The following GAK variants were observed in gnomAD, a reference collection of about 807,000 sequenced individuals.
GAK encodes the protein cyclin G associated kinase.
GAK carries 79 observed loss-of-function variants against 143.9 expected under a neutral mutation model. The observed-to-expected ratio is 0.55, with a 90% CI of 0.46 to 0.66. The LOEUF is 0.66. Ranked by LOEUF, GAK falls within the 30% of genes least tolerant of loss-of-function variation. The probability of loss-of-function intolerance (pLI) is 0.00; values close to 1 mark genes in which losing one functional copy is unlikely to be tolerated. For synonymous variants in GAK, 881 were observed against 765.5 expected, an observed-to-expected ratio of 1.15 and a Z score of -2.49; for missense variants, 1,693 against 1,779.7, an observed-to-expected ratio of 0.95 and a Z score of 0.88.
intron 24 of GAK, among the ~76,000 whole-genome samples, chr4:856,254 C>G (rs1749131362): frequency 7.0e-6 from 1 of 143,878 alleles, no homozygotes; most frequent in African/African-American, 2.8e-5. Flanking sequence ...ACCTGCTCAC[C>G]ACAGCTGCTC....
intron 23 of GAK, 69 bp downstream of exon 23, chr4:865,051 CGT>C (rs1750915250): frequency 1.3e-6 from 2 of 1,558,716 alleles, no homozygotes; most frequent in Admixed American, 3.5e-5. Context: ...GTTACAGGTA[CGT>C]GTGAAATAGA....
intron 14 of GAK, 23 bp from the exon 15 acceptor site, chr4:882,063 G>C (rs377188295): frequency 5.1e-6 from 8 of 1,582,530 alleles, no homozygotes; most frequent in African/African-American, 1.3e-5. Context: ...GACACGTCTC[G>C]CGTGCGCCTC....
At chr4:864,625 C>A (rs975624069) in intron 23 of GAK, among the ~76,000 whole-genome samples, 29 of 152,112 alleles carry the variant, frequency 1.9e-4, no homozygotes, top group African/African-American at 5.6e-4. Context: ...CCCTTCCTGA[C>A]AGGGCACGGG....
chr4:892,103 C>A (rs1485206143), intron 9 of GAK, among the ~76,000 whole-genome samples: 1 of 152,130 alleles, frequency 6.6e-6, no homozygotes, highest in Non-Finnish European at 1.5e-5. Flanking sequence ...CCACACAGCC[C>A]AAACCTTCCT....
chr4:867,806 G>A (rs560010552), intron 20 of GAK, among the ~76,000 whole-genome samples: 4 of 152,322 alleles, frequency 2.6e-5, no homozygotes, highest in Admixed American at 6.5e-5. Flanking sequence ...GGGCCCTGGC[G>A]AGTGCTGCAG....
Position 856,344 on chromosome 4 carries a change from C to G in GAK, c.3283+3262G>C, listed in dbSNP as rs374305860. ...CACCTGCTCACCACAGCTGCTCACACCTGCTCACACCTGCTCACCACAGCT... is the reference window on the plus strand; with the variant it reads ...CACCTGCTCACCACAGCTGCTCACAGCTGCTCACACCTGCTCACCACAGCT... On this transcript the variant is annotated intron_variant, in intron 24 of 27. Coordinates refer to ENST00000314167, the MANE Select transcript of GAK (RefSeq NM_005255.4). Among the ~76,000 whole-genome samples the G allele has an allele frequency of 2.5e-4, 29 of 117,150 alleles. No individual in the cohort carries two copies. The East Asian group carries it at 3.1e-3, about 12-fold the overall frequency. 76.9% of individuals were successfully genotyped at this position (117,150 alleles called of 152,430 possible).
At chr4:883,198 A>T in intron 13 of GAK, 117 bp downstream of exon 13, 1 of 1,218,876 alleles carries the variant, frequency 8.2e-7, no homozygotes, top group Non-Finnish European at 1.1e-6. Context: ...GCCCCTCAGG[A>T]GACCTCCGGC....
rs144267254 is a variant in GAK, at chr4:874,121, CTG to C, written c.2054+2407_2054+2408del. ...TTCACTCGGTTAATCCCCTCCTCGG[CTG>C]TGTGTGTGTGTGCGCGCTGGTGCTT... On this transcript the variant is annotated intron_variant, in intron 18 of 27. Transcript: ENST00000314167. Among the ~76,000 whole-genome samples the C allele has an allele frequency of 1.8e-3, 275 of 151,950 alleles. 2 individuals carry two copies. Among genetic ancestry groups the C allele is most frequent in the African/African-American group, 6.3e-3 (260 of 41,458 alleles).
chr4:865,552 A>C lies in GAK; in HGVS notation c.3044-308T>G, dbSNP rs370516255. Among the ~76,000 whole-genome samples, 332 of 152,274 alleles carry C rather than the reference A, an allele frequency of 2.2e-3. 17 individuals carry two copies. In the South Asian group the frequency reaches 0.06, roughly 27 times the overall value. On this transcript the variant is annotated intron_variant, in intron 22 of 27. Transcript: ENST00000314167. ...CCCCACTTTCTGCCGCCATCCCCAC[A>C]GCCTGCGTTCCCGCCTCTCCTAAAA...
At chr4:901,337 C>G (rs1382224113) in intron 5 of GAK, among the ~76,000 whole-genome samples, 1 of 151,914 alleles carries the variant, frequency 6.6e-6, no homozygotes, top group Non-Finnish European at 1.5e-5. Context: ...TTGGATCCCC[C>G]ACCCAGGGCA....
At chr4:876,685 A>T (rs1016930325) in intron 17 of GAK, 76 bp from the exon 18 acceptor site, 15 of 1,277,026 alleles carry the variant, frequency 1.2e-5, no homozygotes, top group Admixed American at 6.8e-5. Context: ...ATTTTTCCCA[A>T]TGGGCGAGAT....
chr4:881,819 C>G, intron 15 of GAK, 88 bp downstream of exon 15: 2 of 1,417,208 alleles, frequency 1.4e-6, no homozygotes, highest in Non-Finnish European at 1.9e-6. Flanking sequence ...GCGGCACCGA[C>G]TGGCCCTCCA....
chr4:888,841 A>G lies in GAK; in HGVS notation c.1205+6T>C. The G allele has an allele frequency of 6.2e-7, 1 of 1,600,098 alleles. No individual in the cohort carries two copies. Among genetic ancestry groups the G allele is most frequent in the Non-Finnish European group, 8.5e-7 (1 of 1,174,778 alleles). ...CAGGTCCAGGGCTCTGGAGCCTCAC[A>G]CTCACTTAGCGACGGACTGGATGAC... is the stretch of plus-strand genomic sequence containing the variant. On this transcript the variant is annotated splice_donor_region_variant and intron_variant, in intron 11 of 27. Coordinates refer to ENST00000314167, the MANE Select transcript of GAK (RefSeq NM_005255.4).
chr4:874,937 G>C (rs531908787), intron 18 of GAK, among the ~76,000 whole-genome samples: 1 of 152,116 alleles, frequency 6.6e-6, no homozygotes, highest in Non-Finnish European at 1.5e-5. Flanking sequence ...TTCAGAGTCT[G>C]TTCTGCTGTG....
intron 20 of GAK, 54 bp from the exon 21 acceptor site, chr4:867,486 G>A (rs1281078898): frequency 4.4e-6 from 6 of 1,355,846 alleles, no homozygotes; most frequent in African/African-American, 1.5e-5. Flanking sequence ...CCAGCACCAG[G>A]GTCCCCACGG....
At chr4:929,041 CG>C (rs1725269472) in intron 1 of GAK, among the ~76,000 whole-genome samples, 2 of 152,206 alleles carry the variant, frequency 1.3e-5, no homozygotes, top group African/African-American at 4.8e-5. Flanking sequence ...GGATCACAGG[CG>C]TGAGCCACTG....
chr4:874,199 C>T (rs1713334977), intron 18 of GAK, among the ~76,000 whole-genome samples: 1 of 151,886 alleles, frequency 6.6e-6, no homozygotes. Flanking sequence ...TCTGTGTGTG[C>T]GCACGCGCTG....
At chr4:925,410 GC>G (rs1396275825) in intron 1 of GAK, among the ~76,000 whole-genome samples, 1 of 152,218 alleles carries the variant, frequency 6.6e-6, no homozygotes, top group Non-Finnish European at 1.5e-5. Context: ...GGGACAGAGT[GC>G]CGGGGGACAG....
In GAK at chr4:877,642, C is replaced by G. The variant is rs1714229466; in HGVS notation, c.1829G>C (p.Ser610Thr). The change falls in exon 16 of 28, where the codon AGC (serine) becomes ACC (threonine). Residue 610 changes from serine (S) to threonine (T), a missense_variant. Ser to Thr is a moderately conservative substitution (Grantham distance 58). Coordinates refer to ENST00000314167, the MANE Select transcript of GAK (RefSeq NM_005255.4). ...CATCTTGTCGTACTCCTGGGAGGTG[C>G]TGGCCACACGCTCGTCCCCCACGTA... ...EVYVGDERVA[S>T]TSQEYDKMRD... 2 of 1,600,272 alleles carry G rather than the reference C, an allele frequency of 1.2e-6. No homozygotes were observed. The highest frequency in any genetic ancestry group is 4.5e-5 in the East Asian group (2 of 44,504).
Sources: allele counts gnomAD v4.1 joint callset (sites outside exome capture counted in the v4.1 genomes callset), GRCh38; gene constraint gnomAD v4.1.1; transcripts MANE v1.5; gene names NCBI Gene and HGNC (gene_info 2026-07-23, HGNC 2026-07-21).